The following ZAP70 variants were observed in gnomAD, a reference collection of about 807,000 sequenced individuals.
ZAP70 encodes zeta chain of T cell receptor associated protein kinase 70, also known as tyrosine-protein kinase ZAP-70.
ZAP70 carries 27 observed loss-of-function variants against 65.8 expected under a neutral mutation model. The ratio of observed to expected loss-of-function variants is 0.41; its 90% CI spans 0.30 to 0.57. The LOEUF (loss-of-function observed/expected upper bound fraction) is 0.57, where lower values mean the gene tolerates loss of function less well. Ranked by LOEUF, ZAP70 falls within the 20% of genes least tolerant of loss-of-function variation. The probability of loss-of-function intolerance (pLI) is 0.28; values close to 1 mark genes in which losing one functional copy is unlikely to be tolerated. For missense variants in ZAP70, 696 were observed against 870.5 expected (o/e 0.80, Z 2.52); for synonymous variants, 363 against 360.8 (o/e 1.01, Z -0.07).
intron 6 of ZAP70, 29 bp from the exon 7 acceptor site, chr2:97,733,268 A>G (rs749776847): frequency 6.2e-7 from 1 of 1,609,262 alleles, no homozygotes; most frequent in Non-Finnish European, 8.5e-7. Flanking sequence ...CCTGGCCCCC[A>G]GCCCTCACTG....
chr2:97,754,291 A>C, the ZAP70 span, among the ~76,000 whole-genome samples: 1 of 152,168 alleles, frequency 6.6e-6, no homozygotes, highest in Non-Finnish European at 1.5e-5. Flanking sequence ...ATTAGAACTT[A>C]AAAAAGGAGT....
At chr2:97,728,784 G>A (rs1677492023) in intron 4 of ZAP70, among the ~76,000 whole-genome samples, 1 of 152,188 alleles carries the variant, frequency 6.6e-6, no homozygotes, top group Admixed American at 6.5e-5. Flanking sequence ...ACAGAGTCTT[G>A]CTCTGTCACC....
intron 1 of ZAP70, 88 bp downstream of exon 1, chr2:97,713,762 C>G (rs879232300): frequency 6.6e-6 from 1 of 152,522 alleles, no homozygotes; most frequent in African/African-American, 2.4e-5. Flanking sequence ...AGGATGAACC[C>G]CCCCCATCCA....
At chr2:97,748,921 T>C in the ZAP70 span, among the ~76,000 whole-genome samples, 2 of 151,922 alleles carry the variant, frequency 1.3e-5, no homozygotes, top group Non-Finnish European at 1.5e-5. Context: ...GCGGATCTCA[T>C]GTGCTCTTCT....
At chr2:97,717,378 G>A (rs533702975) in intron 2 of ZAP70, among the ~76,000 whole-genome samples, 8 of 149,290 alleles carry the variant, frequency 5.4e-5, no homozygotes, top group South Asian at 4.3e-4. Flanking sequence ...GGAGACATGC[G>A]GAGCCTCTGG....
the ZAP70 span, among the ~76,000 whole-genome samples, chr2:97,755,209 C>T: frequency 2.6e-5 from 4 of 152,038 alleles, no homozygotes; most frequent in African/African-American, 9.7e-5. Context: ...AGACTCGCCT[C>T]GTGTCTGTGT....
At chr2:97,755,130 A>C in the ZAP70 span, among the ~76,000 whole-genome samples, 1 of 152,156 alleles carries the variant, frequency 6.6e-6, no homozygotes, top group Non-Finnish European at 1.5e-5. Context: ...CACAGACTGG[A>C]AACAAGACAA....
At chr2:97,717,498 C>A (rs970420430) in intron 2 of ZAP70, among the ~76,000 whole-genome samples, 1 of 151,896 alleles carries the variant, frequency 6.6e-6, no homozygotes, top group Non-Finnish European at 1.5e-5. Flanking sequence ...ACACGTGGAG[C>A]CTCTGGCTGG....
At position 97,734,665 on chromosome 2, in the gene ZAP70, C is replaced by A. The variant is rs753212430; in HGVS notation, c.1035C>A (p.Gly345=). The part of the protein sequence containing the change: ...DNLLIADIEL[G]CGNFGSVRQG... ...TCCTCATAGCTGACATTGAACTTGG[C>A]TGCGGCAACTTTGGCTCAGTGCGCC... Residue 345 remains glycine (G), a synonymous_variant, in exon 9 of 14, where the codon GGC becomes GGA. Transcript: ENST00000264972. 1 of 1,614,208 alleles carries A rather than the reference C, an allele frequency of 6.2e-7. No individual in the cohort carries two copies. Among genetic ancestry groups the A allele is most frequent in the East Asian group, 2.2e-5 (1 of 44,890 alleles).
At chr2:97,723,105 A>C (rs1056399277) in intron 2 of ZAP70, among the ~76,000 whole-genome samples, 2 of 152,256 alleles carry the variant, frequency 1.3e-5, no homozygotes, top group Non-Finnish European at 2.9e-5. Context: ...CTTACCAGAT[A>C]TCCATCTGTC....
At chr2:97,755,736 T>C in the ZAP70 span, among the ~76,000 whole-genome samples, 2 of 152,220 alleles carry the variant, frequency 1.3e-5, no homozygotes, top group South Asian at 4.1e-4. Flanking sequence ...GTGCCCCTGC[T>C]GTCTTCCCTC....
At chr2:97,734,879 G>A (rs995684924) in intron 9 of ZAP70, 167 bp downstream of exon 9, 26 of 968,226 alleles carry the variant, frequency 2.7e-5, no homozygotes, top group Non-Finnish European at 3.8e-5. Context: ...AGAGAGCTCG[G>A]GACACCTGAC....
chr2:97,738,559 C>G lies in ZAP70; in HGVS notation c.1736+452C>G, dbSNP rs771573482. On this transcript the variant is annotated intron_variant, in intron 13 of 13. Coordinates refer to ENST00000264972, the MANE Select transcript of ZAP70 (RefSeq NM_001079.4). ...CATCTATTCCAGCCCCCACCTCTGCCTGGTTGAAGCCCAACCTTCAGACAT... is the reference window on the plus strand; with the variant it reads ...CATCTATTCCAGCCCCCACCTCTGCGTGGTTGAAGCCCAACCTTCAGACAT... The G allele has an allele frequency of 3.3e-5, 8 of 242,828 alleles. No homozygotes were observed. In the South Asian group the frequency reaches 4.5e-4, roughly 14 times the overall value. 15.0% of individuals were successfully genotyped at this position (242,828 alleles called of 1,614,324 possible).
At chr2:97,726,226 G>C (rs1037019469) in intron 4 of ZAP70, among the ~76,000 whole-genome samples, 5 of 152,168 alleles carry the variant, frequency 3.3e-5, no homozygotes, top group Non-Finnish European at 5.9e-5. Context: ...GTTTGTTAAT[G>C]TGAAAAAAAT....
chr2:97,734,607 A>C lies in ZAP70; in HGVS notation c.977A>C (p.Lys326Thr). The C allele has an allele frequency of 6.2e-7, 1 of 1,614,230 alleles. No homozygotes were observed. Among genetic ancestry groups the C allele is most frequent in the Non-Finnish European group, 8.5e-7 (1 of 1,180,022 alleles). ...CCCTACAGCGACCCAGAGGAGCTCA[A>C]GGACAAGAAGCTCTTCCTGAAGCGC... ...ESPYSDPEEL[K>T]DKKLFLKRDN... is the part of the protein sequence containing the mutation. The change falls in exon 9 of 14, where the codon AAG (lysine) becomes ACG (threonine). Residue 326 changes from lysine (K) to threonine (T), a missense_variant. This residue lies in a region of ZAP70 where 551 missense variants were observed against 630.0 expected (regional missense o/e 0.87). Transcript: ENST00000264972.
At chr2:97,718,552 T>A (rs1677041011) in intron 2 of ZAP70, among the ~76,000 whole-genome samples, 1 of 152,080 alleles carries the variant, frequency 6.6e-6, no homozygotes, top group African/African-American at 2.4e-5. Flanking sequence ...TGATTACCGT[T>A]GTCCTTGTGG....
At chr2:97,746,568 C>T in the ZAP70 span, among the ~76,000 whole-genome samples, 6 of 152,180 alleles carry the variant, frequency 3.9e-5, no homozygotes, top group African/African-American at 7.2e-5. Flanking sequence ...GTGACACACC[C>T]GGACAGGAGT....
chr2:97,755,901 C>T, the ZAP70 span, among the ~76,000 whole-genome samples: 1 of 152,246 alleles, frequency 6.6e-6, no homozygotes, highest in African/African-American at 2.4e-5. Flanking sequence ...GAAGGCAGCA[C>T]AGTGGGTGCC....
intron 9 of ZAP70, chr2:97,734,931 G>A: frequency 1.4e-6 from 1 of 721,570 alleles, no homozygotes; most frequent in Non-Finnish European, 2.3e-6. Flanking sequence ...CTGTGGAGCT[G>A]AAGTTCCCAA....
Sources: allele counts gnomAD v4.1 joint callset (sites outside exome capture counted in the v4.1 genomes callset), GRCh38; gene constraint gnomAD v4.1.1; regional missense constraint gnomAD v4.1.1; transcripts MANE v1.5; gene names NCBI Gene and HGNC (gene_info 2026-07-23, HGNC 2026-07-21).